The following SLC5A1 variants were observed in gnomAD, a reference collection of about 807,000 sequenced individuals.
The protein encoded by SLC5A1 is sodium/glucose cotransporter 1.
In SLC5A1, 42 loss-of-function variants were observed where a neutral mutation model predicts 73.5. That is an observed-to-expected ratio of 0.57 (90% CI 0.45 to 0.74). SLC5A1 has a LOEUF of 0.74. Among genes scored for constraint, SLC5A1 ranks in the 30% least tolerant of loss-of-function variants. The pLI, the probability that SLC5A1 is intolerant of heterozygous loss-of-function variation, is 0.00. For synonymous variants in SLC5A1, 300 were observed against 317.4 expected, an observed-to-expected ratio of 0.95 and a Z score of 0.58; for missense variants, 634 against 855.4, an observed-to-expected ratio of 0.74 and a Z score of 3.23.
intron 2 of SLC5A1, among the ~76,000 whole-genome samples, chr22:32,050,848 A>T (rs942677410): frequency 2.0e-5 from 3 of 152,226 alleles, no homozygotes; most frequent in African/African-American, 7.2e-5. Flanking sequence ...AGGCAAGCCA[A>T]GGCAACTCAT....
intron 14 of SLC5A1, among the ~76,000 whole-genome samples, chr22:32,106,998 T>C (rs2094047327): frequency 2.0e-5 from 3 of 152,190 alleles, no homozygotes; most frequent in Admixed American, 2.0e-4. Flanking sequence ...TATAGACATG[T>C]AAATTGAGGC....
chr22:32,044,510 G>T (rs2093934504), intron 1 of SLC5A1, among the ~76,000 whole-genome samples: 1 of 150,322 alleles, frequency 6.7e-6, no homozygotes, highest in Non-Finnish European at 1.5e-5. Flanking sequence ...GGGACAAAAG[G>T]AAGTGTTTTT....
intron 10 of SLC5A1, among the ~76,000 whole-genome samples, chr22:32,088,831 C>G (rs964710404): frequency 6.6e-6 from 1 of 152,160 alleles, no homozygotes; most frequent in Non-Finnish European, 1.5e-5. Flanking sequence ...TCTGGCTGCT[C>G]CTTTTCATTC....
intron 2 of SLC5A1, among the ~76,000 whole-genome samples, chr22:32,062,351 T>C (rs1187996405): frequency 6.6e-6 from 1 of 152,230 alleles, no homozygotes; most frequent in African/African-American, 2.4e-5. Flanking sequence ...ATCTACGTGG[T>C]AAAATGTGAT....
intron 1 of SLC5A1, among the ~76,000 whole-genome samples, chr22:32,049,144 A>G (rs1265557344): frequency 6.9e-6 from 1 of 144,576 alleles, no homozygotes; most frequent in Non-Finnish European, 1.5e-5. Context: ...TTATATATAT[A>G]TAATCTATAT....
intron 12 of SLC5A1, 100 bp from the exon 13 acceptor site, chr22:32,101,922 C>T: frequency 1.1e-6 from 1 of 895,638 alleles, no homozygotes; most frequent in Admixed American, 1.9e-5. Context: ...CTTCTCCTAC[C>T]TCTGTTCCTT....
rs143967252 is a variant in SLC5A1, at chr22:32,043,478, C to T, written c.135+62C>T. The T allele has an allele frequency of 7.5e-4, 1,182 of 1,570,754 alleles. 2 individuals carry two copies. The highest frequency in any genetic ancestry group is 2.0e-3 in the Middle Eastern group (12 of 5,992). The stretch of plus-strand genomic sequence containing the variant: ...GCGCACAGAGGAGGAGCAATGGCCT[C>T]GCTGAGCTGCAAGGGGCAGTAGGCT... On this transcript the variant is annotated intron_variant, in intron 1 of 14. Coordinates refer to ENST00000266088, the MANE Select transcript of SLC5A1 (RefSeq NM_000343.4). This position sits in a 1 kb window ranked among gnomAD's most constrained non-coding sequence, Gnocchi z 6.5.
chr22:32,047,137 G>T (rs2093938232), intron 1 of SLC5A1, among the ~76,000 whole-genome samples: 1 of 152,130 alleles, frequency 6.6e-6, no homozygotes, highest in Non-Finnish European at 1.5e-5. Context: ...AGGTTTCCAT[G>T]GGGGAGTGTC....
chr22:32,104,073 G>T (rs1436700154), intron 13 of SLC5A1, among the ~76,000 whole-genome samples: 2 of 152,164 alleles, frequency 1.3e-5, no homozygotes, highest in Non-Finnish European at 2.9e-5. Context: ...ATCCCTAAGA[G>T]ACCTTCAACT....
chr22:32,049,169 ATCTATATCTATATCTATATCTAT>A (rs2093941623), intron 1 of SLC5A1, among the ~76,000 whole-genome samples: 2 of 14,262 alleles, frequency 1.4e-4, no homozygotes, highest in African/African-American at 8.0e-4. Flanking sequence ...TATAATCTAT[ATCTATATCTATATCTATATCTAT>A]ATCTATATCT....
chr22:32,084,068 T>A (rs1331187864), intron 7 of SLC5A1, among the ~76,000 whole-genome samples: 2 of 152,162 alleles, frequency 1.3e-5, no homozygotes, highest in Admixed American at 1.3e-4. Flanking sequence ...AGTCCAAGGC[T>A]CCAAAGGCCA....
At chr22:32,092,835 G>T (rs1347380994) in intron 11 of SLC5A1, among the ~76,000 whole-genome samples, 1 of 152,058 alleles carries the variant, frequency 6.6e-6, no homozygotes, top group African/African-American at 2.4e-5. Context: ...CTTTGTTTTT[G>T]TTGCATTTGC....
chr22:32,087,854 G>A (rs1303361645), intron 10 of SLC5A1, among the ~76,000 whole-genome samples: 2 of 152,124 alleles, frequency 1.3e-5, no homozygotes, highest in Non-Finnish European at 2.9e-5. Context: ...TTGGGGAAAC[G>A]GAAGCCAATA....
At chr22:32,074,949 TG>T (rs1337850008) in intron 5 of SLC5A1, among the ~76,000 whole-genome samples, 2 of 152,012 alleles carry the variant, frequency 1.3e-5, no homozygotes, top group Non-Finnish European at 2.9e-5. Context: ...CAGGCTGGAG[TG>T]TAGTGGCATG....
At chr22:32,062,307 C>T (rs1318287175) in intron 2 of SLC5A1, among the ~76,000 whole-genome samples, 2 of 152,186 alleles carry the variant, frequency 1.3e-5, no homozygotes, top group Non-Finnish European at 2.9e-5. Context: ...TTTTTCCGTA[C>T]ATCTCCCCTC....
At chr22:32,061,227 C>A (rs1436830153) in intron 2 of SLC5A1, among the ~76,000 whole-genome samples, 6 of 152,102 alleles carry the variant, frequency 3.9e-5, no homozygotes, top group Non-Finnish European at 8.8e-5. Flanking sequence ...AGTTCAAGAC[C>A]AGCCTAGCCA....
At chr22:32,078,196 CTT>C (rs915515437) in intron 5 of SLC5A1, among the ~76,000 whole-genome samples, 10 of 152,188 alleles carry the variant, frequency 6.6e-5, no homozygotes, top group Admixed American at 4.6e-4. Flanking sequence ...ACAAAAATCT[CTT>C]GACAGTGGTC....
intron 2 of SLC5A1, among the ~76,000 whole-genome samples, chr22:32,058,743 CT>C (rs1170042872): frequency 6.6e-6 from 1 of 152,146 alleles, no homozygotes; most frequent in Admixed American, 6.5e-5. Context: ...GTCAGTTCCC[CT>C]TATGGTCTTG....
At chr22:32,085,513 T>G (rs2094006649) in intron 9 of SLC5A1, among the ~76,000 whole-genome samples, 2 of 151,608 alleles carry the variant, frequency 1.3e-5, no homozygotes, top group Non-Finnish European at 2.9e-5. Context: ...GGAGTTGTCT[T>G]CCCTGGTTTC....
Sources: allele counts gnomAD v4.1 joint callset (sites outside exome capture counted in the v4.1 genomes callset), GRCh38; gene constraint gnomAD v4.1.1; non-coding constraint Gnocchi (gnomAD v3.1); transcripts MANE v1.5; gene names NCBI Gene and HGNC (gene_info 2026-07-23, HGNC 2026-07-21).